The following HECTD4 variants were observed in gnomAD, a reference collection of about 807,000 sequenced individuals.
HECTD4 encodes probable E3 ubiquitin-protein ligase HECTD4.
HECTD4 carries 114 observed loss-of-function variants against 471.5 expected under a neutral mutation model. That is an observed-to-expected ratio of 0.24 (90% confidence interval 0.21 to 0.28). The LOEUF (loss-of-function observed/expected upper bound fraction) is 0.28, where lower values mean the gene tolerates loss of function less well. Ranked by LOEUF, HECTD4 falls within the 10% of genes least tolerant of loss-of-function variation. The pLI, the probability that HECTD4 is intolerant of heterozygous loss-of-function variation, is 1.00. For synonymous variants in HECTD4, 2,012 were observed against 2,256.0 expected, an observed-to-expected ratio of 0.89 and a Z score of 3.07; for missense variants, 3,866 against 5,651.5, an observed-to-expected ratio of 0.68 and a Z score of 10.13.
At chr12:112,289,026 T>C (rs564317966) in intron 7 of HECTD4, among the ~76,000 whole-genome samples, 18 of 152,378 alleles carry the variant, frequency 1.2e-4, no homozygotes, top group Middle Eastern at 6.8e-3. Flanking sequence ...AATAATAGTT[T>C]GTTAGTTAAG....
rs2031568468 is a variant in HECTD4, at chr12:112,179,051, T to C, written c.11243A>G (p.Lys3748Arg). The C allele has an allele frequency of 6.2e-7, 1 of 1,613,838 alleles. No individual in the cohort carries two copies. Among genetic ancestry groups the C allele is most frequent in the Non-Finnish European group, 8.5e-7 (1 of 1,179,904 alleles). Residue 3748 changes from lysine to arginine, a missense_variant, in exon 64 of 76, where the codon AAG (lysine) becomes AGG (arginine). Physicochemically the swap from Lys to Arg is conservative, Grantham distance 26. Coordinates refer to ENST00000682272, the MANE Select transcript of HECTD4 (RefSeq NM_001388303.1). This position sits in a 1 kb window ranked among gnomAD's most constrained non-coding sequence, Gnocchi z 4.3. ...CTTGCTGTACTTGCTCTTGTCAAAC[T>C]TGGGCTTTGGCACGCCATACTTCCT... is the stretch of plus-strand genomic sequence containing the variant. ...ILRKYGVPKP[K>R]FDKSKYSKAG...
chr12:112,301,811 TA>T (rs1856264324), intron 7 of HECTD4: 2 of 562,476 alleles, frequency 3.6e-6, no homozygotes, highest in African/African-American at 2.0e-5. Flanking sequence ...TTTTTTTTTT[TA>T]AGGAAAATTT....
chr12:112,269,513 T>A (rs535031545), intron 13 of HECTD4, among the ~76,000 whole-genome samples, 191 bp downstream of exon 13: 1 of 152,194 alleles, frequency 6.6e-6, no homozygotes, highest in African/African-American at 2.4e-5. Context: ...GAAATGCAGG[T>A]ACACAGTTGG....
intron 1 of HECTD4, among the ~76,000 whole-genome samples, chr12:112,367,585 G>A (rs1203955909): frequency 6.6e-6 from 1 of 151,620 alleles, no homozygotes. Context: ...TTTGGGAGGT[G>A]GAGGTGGGTG....
At position 112,179,220 on chromosome 12, in the gene HECTD4, G is replaced by C; in HGVS notation, c.11165C>G (p.Thr3722Ser). ...TPGNLLHLFFTNVRPPKKVLE... is the reference protein window; with the variant it reads ...TPGNLLHLFFSNVRPPKKVLE... ...CACCTTTTTTGGCGGCCGGACATTG[G>C]TGAAGAAGAGGTGGAGGAGGTTGCC... The change falls in exon 63 of 76, where the codon ACC (threonine) becomes AGC (serine). Residue 3722 changes from threonine to serine, a missense_variant. Thr to Ser is a moderately conservative substitution (Grantham distance 58, BLOSUM62 1). This residue lies in a region of HECTD4 where 715 missense variants were observed against 1,087.6 expected (regional missense o/e 0.66). Transcript: ENST00000682272. The surrounding 1 kb of genome is among the most constrained non-coding windows in gnomAD (Gnocchi z 4.3). 6.2e-7 allele frequency: 1 copy of C among 1,613,906 alleles called. No individual in the cohort carries two copies. The highest frequency in any genetic ancestry group is 8.5e-7 in the Non-Finnish European group (1 of 1,179,864).
intron 49 of HECTD4, among the ~76,000 whole-genome samples, chr12:112,210,916 T>C (rs1410619239): frequency 6.6e-6 from 1 of 152,252 alleles, no homozygotes; most frequent in Non-Finnish European, 1.5e-5. Context: ...ATTTGTTGAA[T>C]GCATGAATGG....
chr12:112,249,960 T>C (rs1414212239), intron 25 of HECTD4, 184 bp downstream of exon 25: 2 of 594,196 alleles, frequency 3.4e-6, no homozygotes, highest in African/African-American at 3.7e-5. Flanking sequence ...GTGGGCCAAA[T>C]TTTGAGAGCC....
intron 62 of HECTD4, among the ~76,000 whole-genome samples, chr12:112,182,731 C>T (rs561531271): frequency 6.5e-4 from 99 of 152,402 alleles, no homozygotes; most frequent in African/African-American, 2.2e-3. Flanking sequence ...AGCTGGAACG[C>T]GGCAGGCCTG....
At chr12:112,240,280 A>G (rs565634317) in intron 32 of HECTD4, among the ~76,000 whole-genome samples, 2 of 152,264 alleles carry the variant, frequency 1.3e-5, no homozygotes, top group South Asian at 4.1e-4. Flanking sequence ...AAAACAGACT[A>G]CTGTAGGACT....
rs1566087540 is a variant in HECTD4, at chr12:112,251,007, G to A, written c.3680C>T (p.Ala1227Val). The change falls in exon 24 of 76, where the codon GCC (alanine) becomes GTC (valine). Residue 1227 changes from alanine to valine, a missense_variant. By Grantham distance (64) the Ala-to-Val change is moderately conservative. Coordinates refer to ENST00000682272, the MANE Select transcript of HECTD4 (RefSeq NM_001388303.1). Reference protein sequence around the residue: ...NGPEITKEEEACQELLRSKLL... With the variant: ...NGPEITKEEEVCQELLRSKLL... ...TTTGGACCGCAATAGCTCCTGACAG[G>A]CTTCTTCTTCTTTGGTAATTTCTGG... 3 of 1,613,484 alleles carry A rather than the reference G, an allele frequency of 1.9e-6. No individual in the cohort carries two copies. In the Admixed American group the frequency reaches 5.0e-5, roughly 27 times the overall value.
At chr12:112,255,353 G>C (rs2033985465) in intron 21 of HECTD4, among the ~76,000 whole-genome samples, 1 of 152,138 alleles carries the variant, frequency 6.6e-6, no homozygotes, top group Non-Finnish European at 1.5e-5. Flanking sequence ...ATATTTTCTT[G>C]CTTCCAGCTA....
intron 1 of HECTD4, among the ~76,000 whole-genome samples, chr12:112,355,386 G>A (rs563842975): frequency 7.3e-5 from 11 of 151,468 alleles, no homozygotes; most frequent in Non-Finnish European, 1.3e-4. Flanking sequence ...GCTTGAACCC[G>A]GAAGGCGGAG....
intron 4 of HECTD4, among the ~76,000 whole-genome samples, chr12:112,311,313 C>T (rs1017291026): frequency 2.4e-4 from 36 of 150,520 alleles, no homozygotes; most frequent in African/African-American, 8.5e-4. Flanking sequence ...ATAAGAAAAA[C>T]AGGCCAGGCG....
intron 1 of HECTD4, among the ~76,000 whole-genome samples, chr12:112,337,879 G>A: frequency 6.6e-6 from 1 of 152,140 alleles, no homozygotes; most frequent in East Asian, 1.9e-4. Context: ...GCAATTCTTT[G>A]ACACTCCTGG....
intron 55 of HECTD4, among the ~76,000 whole-genome samples, chr12:112,195,809 T>A (rs992963981): frequency 6.6e-6 from 1 of 152,190 alleles, no homozygotes; most frequent in African/African-American, 2.4e-5. Flanking sequence ...CATTTTTTTA[T>A]GTGATGAATT....
Position 112,185,115 on chromosome 12 carries a change from G to A in HECTD4, c.9851C>T (p.Thr3284Ile). ...SVTASGVTSA[T>I]APNLSDSSSS... ...GGACGAGTCACTGAGATTTGGGGCG[G>A]TCGCTGAGGTCACCCCACTGGCTGT... The change falls in exon 61 of 76, where the codon ACC (threonine) becomes ATC (isoleucine). Residue 3284 changes from threonine to isoleucine, a missense_variant. Physicochemically the swap from Thr to Ile is moderately conservative, Grantham distance 89. Coordinates refer to ENST00000682272, the MANE Select transcript of HECTD4 (RefSeq NM_001388303.1). 1 of 1,560,396 alleles carries A rather than the reference G, an allele frequency of 6.4e-7. No individual in the cohort carries two copies. Among genetic ancestry groups the A allele is most frequent in the Non-Finnish European group, 8.7e-7 (1 of 1,151,664 alleles).
chr12:112,214,014 C>T (rs1411064715), intron 48 of HECTD4, among the ~76,000 whole-genome samples: 1 of 150,946 alleles, frequency 6.6e-6, no homozygotes, highest in Non-Finnish European at 1.5e-5. Flanking sequence ...AGAGTGAGAC[C>T]CAGTCTCAAA....
In HECTD4 at chr12:112,173,868, C is replaced by CT. The variant is rs1319435539; in HGVS notation, c.11595-1008dup. Among the ~76,000 whole-genome samples, 1 of 152,052 alleles carries CT rather than the reference C, an allele frequency of 6.6e-6. No homozygotes were observed. Among genetic ancestry groups the CT allele is most frequent in the Non-Finnish European group, 1.5e-5 (1 of 68,028 alleles). On this transcript the variant is annotated intron_variant, in intron 66 of 75. Transcript: ENST00000682272. This position sits in a 1 kb window ranked among gnomAD's most constrained non-coding sequence, Gnocchi z 4.3. ...TGCAAGATCCATTCAGGGACTGACT[C>CT]TGAGCCTTCAACAATGGTACAAAAG... is the stretch of plus-strand genomic sequence containing the variant.
rs1383086852 is a variant in HECTD4 at position 112,168,566 on chromosome 12, G to T, written c.12209-649C>A. On this transcript the variant is annotated intron_variant, in intron 70 of 75. Coordinates refer to ENST00000682272, the MANE Select transcript of HECTD4 (RefSeq NM_001388303.1). Reference sequence around the variant, plus strand: ...CACAGCTGTGCCCACACCCTGCTTGGTAAGAGCCATGTGGAAACCCAGTGT... The same window carrying T: ...CACAGCTGTGCCCACACCCTGCTTGTTAAGAGCCATGTGGAAACCCAGTGT... Among the ~76,000 whole-genome samples, 6 of 152,320 alleles carry T rather than the reference G, an allele frequency of 3.9e-5. No homozygotes were observed. The East Asian group carries it at 5.8e-4, about 15-fold the overall frequency.
Sources: gnomAD v4.1 joint callset for allele counts (sites outside exome capture counted in the v4.1 genomes callset) on GRCh38, gnomAD v4.1.1 for gene constraint, gnomAD v4.1.1 regional missense constraint, Gnocchi (gnomAD v3.1) non-coding constraint, MANE v1.5 for transcripts, NCBI Gene and HGNC (gene_info 2026-07-23, HGNC 2026-07-21) for gene names.